THAP8: variants seen among roughly 807,000 people sequenced by gnomAD.
THAP8 encodes THAP domain-containing protein 8.
Under a neutral mutation model 25.0 loss-of-function variants are expected in THAP8, and 24 were observed. That is an observed-to-expected ratio of 0.96 (90% CI 0.69 to 1.35). The LOEUF is 1.35. Ranked by LOEUF, THAP8 falls within the 40% of genes most tolerant of loss-of-function variation. The pLI, the probability that THAP8 is intolerant of heterozygous loss-of-function variation, is 0.00. For synonymous variants in THAP8, 169 were observed against 157.6 expected (o/e 1.07, Z -0.54); for missense variants, 399 against 368.8 (o/e 1.08, Z -0.67).
At chr19:36,050,265 G>A (rs1970019768) in intron 1 of THAP8, among the ~76,000 whole-genome samples, 1 of 152,172 alleles carries the variant, frequency 6.6e-6, no homozygotes, top group African/African-American at 2.4e-5. Context: ...TCACCTCACT[G>A]TCTCATGTAG....
At chr19:36,041,520 C>G (rs1282459645) in intron 1 of THAP8, among the ~76,000 whole-genome samples, 1 of 152,082 alleles carries the variant, frequency 6.6e-6, no homozygotes, top group Non-Finnish European at 1.5e-5. Flanking sequence ...TAACTAGTGA[C>G]ACAGTGATGG....
chr19:36,038,407 G>A (rs981065365), intron 3 of THAP8, among the ~76,000 whole-genome samples: 8 of 152,008 alleles, frequency 5.3e-5, no homozygotes, highest in Admixed American at 5.2e-4. Context: ...GACCACATGT[G>A]CCCACCACAA....
chr19:36,049,575 G>A (rs1462902567), intron 1 of THAP8, among the ~76,000 whole-genome samples: 1 of 152,206 alleles, frequency 6.6e-6, no homozygotes, highest in African/African-American at 2.4e-5. Context: ...GGTAGGCCCT[G>A]AGGTGGAAAT....
At position 36,054,146 on chromosome 19, in the gene THAP8, C is replaced by G. The variant is rs1970200701; in HGVS notation, c.72G>C (p.Val24=). ...AGRLGADNRP[V]SFYKFPLKDG... ...CGCGCTGCGCTCACTTGTAGAAGCT[C>G]ACAGGGCGGTTGTCTGCACCCAGGC... The change falls in exon 1 of 4, where the codon GTG becomes GTC. Residue 24 remains valine (V), a synonymous_variant. Coordinates refer to ENST00000292894, the MANE Select transcript of THAP8 (RefSeq NM_152658.3). 6.2e-7 allele frequency: 1 copy of G among 1,613,740 alleles called. No individual in the cohort carries two copies. The highest frequency in any genetic ancestry group is 1.1e-5 in the South Asian group (1 of 91,008).
intron 1 of THAP8, 107 bp downstream of exon 1, chr19:36,054,028 T>C (rs995304867): frequency 2.3e-6 from 3 of 1,300,136 alleles, no homozygotes; most frequent in African/African-American, 1.5e-5. Context: ...CCCCACTTCC[T>C]AACACCCTCA....
At chr19:36,052,044 G>GGGTTTTTT (rs1970070570) in intron 1 of THAP8, among the ~76,000 whole-genome samples, 1 of 150,862 alleles carries the variant, frequency 6.6e-6, no homozygotes, top group Non-Finnish European at 1.5e-5. Context: ...TTTGTTTTTT[G>GGGTTTTTT]GGTTTTTTGG....
chr19:36,035,834 C>G lies in THAP8; in HGVS notation c.673-242G>C. Among the ~76,000 whole-genome samples, 2 of 150,572 alleles carry G rather than the reference C, an allele frequency of 1.3e-5. 1 individual carries two copies. The highest frequency in any genetic ancestry group is 2.9e-5 in the Non-Finnish European group (2 of 67,812). On this transcript the variant is annotated intron_variant, in intron 3 of 3. Transcript: ENST00000292894. ...AAGTGCGGGGGCACAGACGCAGACA[C>G]GTGGGGGAAAGAGATGTGCAGGCAG...
chr19:36,052,035 TTGTTTTTTG>T (rs1256216775), intron 1 of THAP8, among the ~76,000 whole-genome samples: 1 of 151,712 alleles, frequency 6.6e-6, no homozygotes, highest in Non-Finnish European at 1.5e-5. Flanking sequence ...TTTTGTTTGT[TTGTTTTTTG>T]GGTTTTTTGG....
intron 1 of THAP8, among the ~76,000 whole-genome samples, chr19:36,044,230 T>C (rs1408634312): frequency 6.6e-6 from 1 of 152,344 alleles, no homozygotes; most frequent in African/African-American, 2.4e-5. Context: ...GTTTGTTATA[T>C]AGCATTAGAT....
upstream of THAP8, chr19:36,054,681 G>T: frequency 1.7e-6 from 1 of 581,042 alleles, no homozygotes; most frequent in Non-Finnish European, 3.1e-6. Context: ...ATTAAAACCT[G>T]TATGTTTCAG....
chr19:36,040,257 G>T, intron 1 of THAP8, 121 bp from the exon 2 acceptor site: 2 of 1,017,494 alleles, frequency 2.0e-6, no homozygotes, highest in Non-Finnish European at 2.8e-6. Flanking sequence ...CTAGGAAGTA[G>T]ACCTGTCTTG....
intron 1 of THAP8, among the ~76,000 whole-genome samples, chr19:36,044,211 T>C (rs746999943): frequency 5.9e-5 from 9 of 152,216 alleles, no homozygotes; most frequent in Non-Finnish European, 1.0e-4. Context: ...GCTGCTAAAT[T>C]TGGGGATAGT....
chr19:36,052,427 G>A (rs566257978), intron 1 of THAP8, among the ~76,000 whole-genome samples: 73 of 152,296 alleles, frequency 4.8e-4, no homozygotes, highest in East Asian at 1.4e-3. Context: ...TATCCCATCC[G>A]TGGAAAAACT....
At chr19:36,041,261 G>T (rs920719623) in intron 1 of THAP8, among the ~76,000 whole-genome samples, 2 of 151,136 alleles carry the variant, frequency 1.3e-5, no homozygotes, top group South Asian at 2.1e-4. Flanking sequence ...GCAGTGAGCC[G>T]AGATTGCGCA....
At chr19:36,054,104 T>G (rs1426858651) in intron 1 of THAP8, 31 bp downstream of exon 1, 1 of 1,604,940 alleles carries the variant, frequency 6.2e-7, no homozygotes, top group African/African-American at 1.3e-5. Context: ...GGGTCCCGCC[T>G]CCCTCAAGCC....
chr19:36,051,184 G>A (rs1168655891), intron 1 of THAP8, among the ~76,000 whole-genome samples: 1 of 152,148 alleles, frequency 6.6e-6, no homozygotes, highest in African/African-American at 2.4e-5. Flanking sequence ...CAAGAACTTT[G>A]AAATCAGAGG....
At chr19:36,040,977 A>G (rs548859660) in intron 1 of THAP8, among the ~76,000 whole-genome samples, 8 of 152,064 alleles carry the variant, frequency 5.3e-5, no homozygotes, top group Non-Finnish European at 1.0e-4. Context: ...TTTTAAGACA[A>G]TTGGGGAAAA....
intron 1 of THAP8, among the ~76,000 whole-genome samples, chr19:36,051,305 A>G (rs1970049537): frequency 2.0e-5 from 3 of 152,220 alleles, no homozygotes; most frequent in Non-Finnish European, 4.4e-5. Flanking sequence ...ATGAGGTCAC[A>G]CTGGTATCAG....
chr19:36,049,024 TC>T (rs1969977369), intron 1 of THAP8, among the ~76,000 whole-genome samples: 2 of 151,366 alleles, frequency 1.3e-5, no homozygotes, highest in Non-Finnish European at 2.9e-5. Flanking sequence ...AAGTGATAGG[TC>T]CCCCATAAGA....
Sources: gnomAD v4.1 joint callset for allele counts (sites outside exome capture counted in the v4.1 genomes callset) on GRCh38, gnomAD v4.1.1 for gene constraint, MANE v1.5 for transcripts, NCBI Gene and HGNC (gene_info 2026-07-23, HGNC 2026-07-21) for gene names.